Variants in C8orf90 observed in about 807,000 individuals in gnomAD.
The protein encoded by C8orf90 is chromosome 8 open reading frame 90.
At chr8:141,515,690 A>G in the C8orf90 span, among the ~76,000 whole-genome samples, 6 of 151,450 alleles carry the variant, frequency 4.0e-5, no homozygotes, top group Non-Finnish European at 7.4e-5. Flanking sequence ...CCCTCCTCAC[A>G]TCTTTGCCAT....
At chr8:141,516,190 G>A in the C8orf90 span, among the ~76,000 whole-genome samples, 15 of 152,190 alleles carry the variant, frequency 9.9e-5, no homozygotes, top group South Asian at 4.2e-4. Flanking sequence ...TCATGATACC[G>A]CTCTTTCCCA....
chr8:141,518,426 A>C, the C8orf90 span: 3 of 669,196 alleles, frequency 4.5e-6, no homozygotes, highest in Non-Finnish European at 5.4e-6. Flanking sequence ...CCGCTCTTCT[A>C]CGACCCCCGC....
chr8:141,518,413 G>A, the C8orf90 span: 1 of 672,730 alleles, frequency 1.5e-6, no homozygotes, highest in South Asian at 1.6e-5. Context: ...CCCCGCCTGC[G>A]GGCCGCTCTT....
the C8orf90 span, chr8:141,518,616 G>C: frequency 2.0e-6 from 1 of 494,538 alleles, no homozygotes; most frequent in Non-Finnish European, 3.5e-6. Flanking sequence ...GCCCGGCCCC[G>C]CCGCCGCCTT....
At chr8:141,518,456 TC>T in the C8orf90 span, 13 of 659,566 alleles carry the variant, frequency 2.0e-5, no homozygotes, top group Non-Finnish European at 3.5e-5. Flanking sequence ...GACTTCGACT[TC>T]CTGCTGCGCG....
At chr8:141,517,949 A>C in the C8orf90 span, among the ~76,000 whole-genome samples, 1 of 152,150 alleles carries the variant, frequency 6.6e-6, no homozygotes, top group African/African-American at 2.4e-5. Context: ...CTGCCCAAAG[A>C]GTACTTAGTG....
the C8orf90 span, chr8:141,518,098 G>A: frequency 2.8e-3 from 1,439 of 511,558 alleles, 3 homozygotes; most frequent in African/African-American, 0.011. Context: ...AGCTCATTCG[G>A]CGGCTCCTTC....
the C8orf90 span, chr8:141,518,715 AAG>A: frequency 8.1e-6 from 4 of 493,550 alleles, no homozygotes; most frequent in African/African-American, 2.0e-5. Flanking sequence ...AGAATAAATA[AAG>A]AGTTTCCCCA....
At chr8:141,518,555 C>G in the C8orf90 span, 1 of 452,056 alleles carries the variant, frequency 2.2e-6, no homozygotes. Context: ...GAGCGGCTGG[C>G]CCTGAGCTGC....
chr8:141,517,584 C>A, the C8orf90 span, among the ~76,000 whole-genome samples: 1 of 152,190 alleles, frequency 6.6e-6, no homozygotes, highest in Non-Finnish European at 1.5e-5. Context: ...GGGGCCGCAC[C>A]TCCCTCTGGA....
chr8:141,518,182 C>A, the C8orf90 span: 1 of 542,338 alleles, frequency 1.8e-6, no homozygotes, highest in Non-Finnish European at 3.2e-6. Flanking sequence ...CCCTCCCCGC[C>A]CTGCCGGGCG....
the C8orf90 span, chr8:141,518,140 C>T: frequency 1.9e-6 from 1 of 527,900 alleles, no homozygotes; most frequent in African/African-American, 2.0e-5. Flanking sequence ...CGCCCGGCCT[C>T]CTGGTCTCCC....
chr8:141,518,357 A>C, the C8orf90 span: 5 of 676,350 alleles, frequency 7.4e-6, no homozygotes, highest in South Asian at 7.7e-5. Flanking sequence ...GTGCTCACCG[A>C]GAACTTCACG....
the C8orf90 span, chr8:141,518,594 C>G: frequency 4.3e-6 from 2 of 461,216 alleles, no homozygotes; most frequent in Non-Finnish European, 7.5e-6. Flanking sequence ...GGCCCGGCCT[C>G]GTCCTGCTGC....
At chr8:141,514,721 C>G in the C8orf90 span, 1 of 701,746 alleles carries the variant, frequency 1.4e-6, no homozygotes, top group Admixed American at 2.0e-5. Context: ...TCCTGGGACC[C>G]CCAGCCCAGC....
the C8orf90 span, chr8:141,518,154 TGC>T: frequency 1.9e-6 from 1 of 529,980 alleles, no homozygotes; most frequent in Admixed American, 4.2e-5. Context: ...GTCTCCCGCC[TGC>T]GCGGGCCGCT....
chr8:141,514,719 C>T, the C8orf90 span: 3 of 701,518 alleles, frequency 4.3e-6, no homozygotes, highest in Admixed American at 2.0e-5. Flanking sequence ...TGTCCTGGGA[C>T]CCCCAGCCCA....
At chr8:141,517,787 G>A in the C8orf90 span, among the ~76,000 whole-genome samples, 2 of 152,118 alleles carry the variant, frequency 1.3e-5, no homozygotes, top group Non-Finnish European at 2.9e-5. Context: ...TCTGCACAGC[G>A]GCCGGATCAA....
At chr8:141,518,280 G>A in the C8orf90 span, 2 of 660,494 alleles carry the variant, frequency 3.0e-6, no homozygotes, top group Non-Finnish European at 5.5e-6. Context: ...AGCTCTGGGA[G>A]GCGCATTTCC....
Sources: gnomAD v4.1 joint callset for allele counts (sites outside exome capture counted in the v4.1 genomes callset) on GRCh38, gnomAD v4.1.1 for gene constraint, MANE v1.5 for transcripts, NCBI Gene and HGNC (gene_info 2026-07-23, HGNC 2026-07-21) for gene names.